CNTNAP2: variants seen among roughly 807,000 people sequenced by gnomAD.
CNTNAP2 encodes contactin-associated protein-like 2.
A neutral mutation model predicts 155.2 loss-of-function variants in CNTNAP2; 98 were observed. The observed-to-expected ratio is 0.63, with a 90% confidence interval of 0.54 to 0.75. The LOEUF (loss-of-function observed/expected upper bound fraction) is 0.75, where lower values mean the gene tolerates loss of function less well. Ranked by LOEUF, CNTNAP2 falls within the 30% of genes least tolerant of loss-of-function variation. The probability of loss-of-function intolerance (pLI) is 0.00; values close to 1 mark genes in which losing one functional copy is unlikely to be tolerated. For missense variants in CNTNAP2, 1,727 were observed against 1,688.1 expected (o/e 1.02, Z -0.40); for synonymous variants, 651 against 631.2 (o/e 1.03, Z -0.47).
chr7:147,636,028 G>T (rs973783026), intron 12 of CNTNAP2, among the ~76,000 whole-genome samples: 1 of 152,184 alleles, frequency 6.6e-6, no homozygotes, highest in Non-Finnish European at 1.5e-5. Flanking sequence ...AGGTAAATCT[G>T]CAGGTCTGGA....
At chr7:147,899,350 A>G (rs560615069) in intron 13 of CNTNAP2, among the ~76,000 whole-genome samples, 2 of 152,244 alleles carry the variant, frequency 1.3e-5, no homozygotes, top group African/African-American at 4.8e-5. Context: ...AAAAAAATAA[A>G]TAAAATATAA....
At chr7:146,174,269 A>T (rs149702076) in intron 1 of CNTNAP2, among the ~76,000 whole-genome samples, 8 of 151,996 alleles carry the variant, frequency 5.3e-5, no homozygotes, top group Non-Finnish European at 1.0e-4. Context: ...AATACCCATA[A>T]TAAGAAATGT....
chr7:147,978,337 CTATT>C (rs1303630206), intron 15 of CNTNAP2, among the ~76,000 whole-genome samples: 1 of 152,040 alleles, frequency 6.6e-6, no homozygotes, highest in Non-Finnish European at 1.5e-5. Flanking sequence ...ATTAGGATGA[CTATT>C]TATATCACCA....
rs536317687 is a variant in CNTNAP2 at position 148,057,078 on chromosome 7, C to T, written c.2384-61040C>T. Among the ~76,000 whole-genome samples, 3 of 152,290 alleles carry T rather than the reference C, an allele frequency of 2.0e-5. No individual in the cohort carries two copies. The East Asian group carries it at 5.8e-4, about 29-fold the overall frequency. On this transcript the variant is annotated intron_variant, in intron 15 of 23. Coordinates refer to ENST00000361727, the MANE Select transcript of CNTNAP2 (RefSeq NM_014141.6). ...CTCATCTGTGCCCACCCTCTTATTG[C>T]AGTGAGGCTTGAGTGGTATTCACAG...
At chr7:147,686,552 G>C (rs1796020328) in intron 13 of CNTNAP2, among the ~76,000 whole-genome samples, 1 of 151,968 alleles carries the variant, frequency 6.6e-6, no homozygotes. Context: ...ATCACCAAGA[G>C]AGTAATGTAG....
intron 16 of CNTNAP2, among the ~76,000 whole-genome samples, chr7:148,142,590 G>A (rs139413810): frequency 0.012 from 1,760 of 152,258 alleles, 88 homozygotes; most frequent in Admixed American, 0.08. Context: ...AAACTAAACA[G>A]TGTTAGCTGG....
chr7:147,112,425 G>A (rs12670841), intron 5 of CNTNAP2, among the ~76,000 whole-genome samples: 24,361 of 152,094 alleles, frequency 0.16, 2,296 homozygotes, highest in East Asian at 0.39. Flanking sequence ...GTCACGGTGA[G>A]AGAAGGCATC....
intron 13 of CNTNAP2, among the ~76,000 whole-genome samples, chr7:147,877,925 C>T (rs1259242923): frequency 2.0e-5 from 3 of 152,062 alleles, no homozygotes; most frequent in Non-Finnish European, 4.4e-5. Context: ...CATTTAATAC[C>T]CTACATTGGA....
At chr7:146,272,561 T>A (rs914582463) in intron 1 of CNTNAP2, among the ~76,000 whole-genome samples, 20 of 152,178 alleles carry the variant, frequency 1.3e-4, no homozygotes, top group Admixed American at 1.3e-4. Flanking sequence ...AAGGTTAAGA[T>A]GTGACCTATC....
At chr7:147,628,689 G>A (rs1013784715) in intron 12 of CNTNAP2, among the ~76,000 whole-genome samples, 3 of 152,048 alleles carry the variant, frequency 2.0e-5, no homozygotes, top group African/African-American at 7.2e-5. Context: ...TGGCAGAATG[G>A]ATAAAAATCC....
intron 13 of CNTNAP2, among the ~76,000 whole-genome samples, chr7:147,793,061 T>A (rs1333550339): frequency 1.3e-5 from 2 of 152,188 alleles, no homozygotes; most frequent in Non-Finnish European, 2.9e-5. Flanking sequence ...TCTTTATTAA[T>A]GAGTTGTAAG....
chr7:146,983,053 T>C (rs1433247192), intron 3 of CNTNAP2, among the ~76,000 whole-genome samples: 2 of 152,198 alleles, frequency 1.3e-5, no homozygotes, highest in East Asian at 3.9e-4. Context: ...TGTACACTGA[T>C]AGTTTTGTTT....
chr7:148,388,288 TC>T (rs1042624943), intron 22 of CNTNAP2, among the ~76,000 whole-genome samples: 1 of 84,690 alleles, frequency 1.2e-5, no homozygotes, highest in African/African-American at 4.7e-5. Context: ...GTGCTATCCC[TC>T]CCCCCTCCCC....
chr7:147,379,812 A>C (rs1429364510), intron 9 of CNTNAP2, among the ~76,000 whole-genome samples: 2 of 151,894 alleles, frequency 1.3e-5, no homozygotes, highest in African/African-American at 4.8e-5. Context: ...TTGATTTCTA[A>C]TTCTGTTTGG....
chr7:146,685,414 A>G (rs1800579325), intron 1 of CNTNAP2, among the ~76,000 whole-genome samples: 1 of 152,180 alleles, frequency 6.6e-6, no homozygotes, highest in Admixed American at 6.5e-5. Flanking sequence ...ACATATATGA[A>G]CATTATGTAT....
At chr7:148,052,010 G>T (rs2116495859) in intron 15 of CNTNAP2, among the ~76,000 whole-genome samples, 1 of 152,184 alleles carries the variant, frequency 6.6e-6, no homozygotes, top group East Asian at 1.9e-4. Context: ...GTGGTGGCAG[G>T]TGCCTGTAGT....
chr7:147,792,083 T>C (rs1297795473), intron 13 of CNTNAP2, among the ~76,000 whole-genome samples: 1 of 152,210 alleles, frequency 6.6e-6, no homozygotes, highest in African/African-American at 2.4e-5. Context: ...GATGTGGTCC[T>C]CTCTCTGTGC....
chr7:148,151,789 C>T (rs1805300867), intron 17 of CNTNAP2, among the ~76,000 whole-genome samples: 1 of 152,156 alleles, frequency 6.6e-6, no homozygotes, highest in South Asian at 2.1e-4. Flanking sequence ...CAGGAAAGCT[C>T]ACATGCAGAG....
At chr7:146,869,839 C>T (rs1018433805) in intron 3 of CNTNAP2, among the ~76,000 whole-genome samples, 2 of 152,118 alleles carry the variant, frequency 1.3e-5, no homozygotes, top group Non-Finnish European at 2.9e-5. Context: ...TGGTTCCCAC[C>T]CACAATGTGG....
Sources: allele counts gnomAD v4.1 joint callset (sites outside exome capture counted in the v4.1 genomes callset), GRCh38; gene constraint gnomAD v4.1.1; transcripts MANE v1.5; gene names NCBI Gene and HGNC (gene_info 2026-07-23, HGNC 2026-07-21).